FAM193A: variants seen among roughly 807,000 people sequenced by gnomAD.
The protein encoded by FAM193A is protein FAM193A.
A neutral mutation model predicts 126.5 loss-of-function variants in FAM193A; 22 were observed. The ratio of observed to expected loss-of-function variants is 0.17; its 90% CI spans 0.12 to 0.25. The LOEUF is 0.25. FAM193A is among the 10% of genes least tolerant of loss of function. FAM193A has a pLI of 1.00. For synonymous variants in FAM193A, 761 were observed against 646.8 expected (o/e 1.18, Z -2.68); for missense variants, 1,675 against 1,672.8 (o/e 1.00, Z -0.02).
chr4:2,655,094 G>C, intron 7 of FAM193A: 1 of 700,600 alleles, frequency 1.4e-6, no homozygotes, highest in Non-Finnish European at 2.6e-6. Context: ...CATTGATACT[G>C]GCACCCTTGT....
intron 20 of FAM193A, among the ~76,000 whole-genome samples, chr4:2,728,768 C>G (rs1721037093): frequency 6.6e-6 from 1 of 151,928 alleles, no homozygotes; most frequent in Non-Finnish European, 1.5e-5. Context: ...TTTTGTTTAG[C>G]CTTCTCCTAA....
intron 1 of FAM193A, among the ~76,000 whole-genome samples, chr4:2,590,401 G>A: frequency 7.0e-6 from 1 of 143,748 alleles, no homozygotes; most frequent in East Asian, 2.2e-4. Context: ...GGAGGCAGAG[G>A]TTGCAGTGAG....
At chr4:2,731,678 G>A in intron 20 of FAM193A, 97 bp from the exon 21 acceptor site, 2 of 930,706 alleles carry the variant, frequency 2.1e-6, no homozygotes, top group Non-Finnish European at 3.5e-6. Flanking sequence ...CCCGCAGTGA[G>A]TTTCTGGCAA....
chr4:2,559,208 C>A (rs1484893263), intron 1 of FAM193A, among the ~76,000 whole-genome samples: 2 of 152,122 alleles, frequency 1.3e-5, no homozygotes, highest in Non-Finnish European at 2.9e-5. Flanking sequence ...ATGGTCAAAT[C>A]ATAGATGCAT....
intron 2 of FAM193A, among the ~76,000 whole-genome samples, chr4:2,598,722 C>G (rs539627627): frequency 6.6e-6 from 1 of 152,234 alleles, no homozygotes; most frequent in African/African-American, 2.4e-5. Flanking sequence ...GAGGTTGTTT[C>G]CTGTGTCCTG....
chr4:2,545,347 C>T (rs777626518), intron 1 of FAM193A, among the ~76,000 whole-genome samples: 1 of 152,112 alleles, frequency 6.6e-6, no homozygotes, highest in Non-Finnish European at 1.5e-5. Flanking sequence ...TTTGGCTCAA[C>T]ATTATATTTG....
In FAM193A at chr4:2,700,497, A is replaced by G. The variant is rs1717596538; in HGVS notation, c.4325A>G (p.Asn1442Ser). The G allele has an allele frequency of 6.2e-7, 1 of 1,613,278 alleles. No homozygotes were observed. The change falls in exon 19 of 21, where the codon AAC becomes AGC. Residue 1442 changes from asparagine (N) to serine (S), a missense_variant. By Grantham distance (46) the Asn-to-Ser change is conservative. This residue lies in a region of FAM193A where 415 missense variants were observed against 396.7 expected (regional missense o/e 1.05). Coordinates refer to ENST00000637812, the MANE Select transcript of FAM193A (RefSeq NM_001366318.2). ...GAGTCCCCTCAGCCAAAGGGCAAGA[A>G]CAAGAAAAATAAGAAGAAGAAAGGA... The part of the protein sequence containing the change: ...LAESPQPKGK[N>S]KKNKKKKGDR...
intron 19 of FAM193A, among the ~76,000 whole-genome samples, chr4:2,708,420 C>T (rs76040495): frequency 0.07 from 10,602 of 152,086 alleles, 648 homozygotes; most frequent in African/African-American, 0.16. Flanking sequence ...CCACCACGCC[C>T]GGCTGTATGT....
intron 6 of FAM193A, among the ~76,000 whole-genome samples, chr4:2,641,992 TTTGGGAGG>T (rs1744673283): frequency 6.6e-6 from 1 of 150,698 alleles, no homozygotes; most frequent in Admixed American, 6.6e-5. Flanking sequence ...ATGCCAGCAC[TTTGGGAGG>T]TCGAGGCGGG....
intron 12 of FAM193A, among the ~76,000 whole-genome samples, chr4:2,671,873 A>G (rs1713835702): frequency 6.6e-6 from 1 of 152,120 alleles, no homozygotes; most frequent in African/African-American, 2.4e-5. Context: ...AGGATTCAGA[A>G]CCAGTGGCTC....
intron 5 of FAM193A, among the ~76,000 whole-genome samples, chr4:2,633,782 A>G (rs1004762247): frequency 1.3e-5 from 2 of 152,124 alleles, no homozygotes; most frequent in African/African-American, 4.8e-5. Flanking sequence ...AATCCCAGCT[A>G]CTTGGGAGGC....
intron 13 of FAM193A, among the ~76,000 whole-genome samples, chr4:2,684,807 T>C (rs1715545133): frequency 6.6e-6 from 1 of 152,204 alleles, no homozygotes; most frequent in African/African-American, 2.4e-5. Flanking sequence ...TCGATAGCAG[T>C]TGGTTACCAA....
At chr4:2,590,495 A>AACAAAC (rs1740493697) in intron 1 of FAM193A, among the ~76,000 whole-genome samples, 1 of 97,996 alleles carries the variant, frequency 1.0e-5, no homozygotes, top group African/African-American at 6.8e-5. Context: ...ACAAAAAAAA[A>AACAAAC]CAAAAAAAAA....
rs774885154 is a variant in FAM193A, at chr4:2,693,698, G to C, written c.2916G>C (p.Leu972=). The change falls in exon 16 of 21, where the codon CTG becomes CTC. Residue 972 remains leucine, a synonymous_variant. Coordinates refer to ENST00000637812, the MANE Select transcript of FAM193A (RefSeq NM_001366318.2). ...TCCCAGCGCTCTCGCCTGCTGCGCT[G>C]TCACCTGCTGCGCTCTCACCTGCCT... is the stretch of plus-strand genomic sequence containing the variant. The part of the protein sequence containing the change: ...APLPALSPAA[L]SPAALSPAST... 7.4e-6 allele frequency: 12 copies of C among 1,614,034 alleles called. No individual in the cohort carries two copies. In the East Asian group the frequency reaches 8.9e-5, roughly 12 times the overall value.
At chr4:2,598,125 G>A (rs1212557527) in intron 2 of FAM193A, among the ~76,000 whole-genome samples, 1 of 152,054 alleles carries the variant, frequency 6.6e-6, no homozygotes, top group African/African-American at 2.4e-5. Flanking sequence ...TTATGGTCTC[G>A]ATCGTGATCC....
At chr4:2,651,088 A>C (rs1304531650) in intron 7 of FAM193A, among the ~76,000 whole-genome samples, 4 of 152,118 alleles carry the variant, frequency 2.6e-5, no homozygotes, top group African/African-American at 9.7e-5. Flanking sequence ...CCCAGCACTT[A>C]GGGAGGCCAA....
chr4:2,651,752 G>A (rs936199162), intron 7 of FAM193A, among the ~76,000 whole-genome samples: 1 of 152,192 alleles, frequency 6.6e-6, no homozygotes, highest in South Asian at 2.1e-4. Context: ...TAGCAGCCTC[G>A]CTGCCTGTCC....
At chr4:2,705,346 G>A (rs1276786355) in intron 19 of FAM193A, among the ~76,000 whole-genome samples, 1 of 152,020 alleles carries the variant, frequency 6.6e-6, no homozygotes, top group Non-Finnish European at 1.5e-5. Context: ...CCTTTTATGC[G>A]GTCAGCTTCT....
chr4:2,568,407 C>T (rs1377129884), intron 1 of FAM193A, among the ~76,000 whole-genome samples: 3 of 152,158 alleles, frequency 2.0e-5, no homozygotes, highest in Non-Finnish European at 4.4e-5. Flanking sequence ...GTAGTACCAG[C>T]TGCTCAGGAG....
Sources: allele counts gnomAD v4.1 joint callset (sites outside exome capture counted in the v4.1 genomes callset), GRCh38; gene constraint gnomAD v4.1.1; regional missense constraint gnomAD v4.1.1; transcripts MANE v1.5; gene names NCBI Gene and HGNC (gene_info 2026-07-23, HGNC 2026-07-21).